The following CFAP54 variants were observed in gnomAD, a reference collection of about 807,000 sequenced individuals.
The protein encoded by CFAP54 is cilia- and flagella-associated protein 54.
In CFAP54, 290 loss-of-function variants were observed where a neutral mutation model predicts 370.4. The ratio of observed to expected loss-of-function variants is 0.78; its 90% CI spans 0.71 to 0.86. CFAP54 has a LOEUF of 0.86. Ranked by LOEUF, CFAP54 falls within the 40% of genes least tolerant of loss-of-function variation. CFAP54 has a pLI of 0.00. For synonymous variants in CFAP54, 1,206 were observed against 1,236.5 expected, an observed-to-expected ratio of 0.98 and a Z score of 0.52; for missense variants, 3,399 against 3,528.7, an observed-to-expected ratio of 0.96 and a Z score of 0.93.
At chr12:96,731,265 T>C (rs1358708721) in intron 50 of CFAP54, among the ~76,000 whole-genome samples, 1 of 152,238 alleles carries the variant, frequency 6.6e-6, no homozygotes, top group Non-Finnish European at 1.5e-5. Context: ...CTTGCACTTA[T>C]AAATCCCTAT....
chr12:96,576,690 C>T lies in CFAP54; in HGVS notation c.2725C>T (p.Pro909Ser), dbSNP rs560558762. 2.0e-6 allele frequency: 3 copies of T among 1,535,908 alleles called. No homozygotes were observed. The South Asian group carries it at 3.6e-5, about 18-fold the overall frequency. The stretch of plus-strand genomic sequence containing the variant: ...AAGAAAGAAAAGCAGAGTCCCCCCT[C>T]CACCTATCCTGCTGTCTCGAACTCA... ...SKRKKSRVPP[P>S]PILLSRTHCS... Residue 909 changes from proline (P) to serine (S), a missense_variant, in exon 20 of 68, where the codon CCA becomes TCA. Coordinates refer to ENST00000524981, the MANE Select transcript of CFAP54 (RefSeq NM_001306084.2).
intron 55 of CFAP54, among the ~76,000 whole-genome samples, chr12:96,747,767 G>A (rs970074062): frequency 6.6e-6 from 1 of 152,090 alleles, no homozygotes; most frequent in Non-Finnish European, 1.5e-5. Flanking sequence ...CAAAATGGAG[G>A]TAGGCTATTT....
chr12:96,707,281 A>C (rs1209613989), intron 47 of CFAP54, among the ~76,000 whole-genome samples: 1 of 151,804 alleles, frequency 6.6e-6, no homozygotes, highest in African/African-American at 2.4e-5. Context: ...TTTCACATTT[A>C]ATGTCTCTAA....
chr12:96,860,580 A>G (rs1435562436), intron 66 of CFAP54, among the ~76,000 whole-genome samples: 1 of 152,212 alleles, frequency 6.6e-6, no homozygotes, highest in Admixed American at 6.5e-5. Flanking sequence ...ACCATGTACA[A>G]TGATTACCTA....
intron 48 of CFAP54, among the ~76,000 whole-genome samples, chr12:96,709,706 T>TATG (rs1283228056): frequency 3.4e-4 from 51 of 148,344 alleles, no homozygotes; most frequent in African/African-American, 1.3e-3. Flanking sequence ...CATGGTTTAT[T>TATG]ATTATTATTA....
chr12:96,655,471 A>G (rs1592691120), intron 36 of CFAP54, among the ~76,000 whole-genome samples: 1 of 152,318 alleles, frequency 6.6e-6, no homozygotes, highest in East Asian at 1.9e-4. Context: ...ATTCTTAATG[A>G]ATGAATTGGA....
intron 39 of CFAP54, among the ~76,000 whole-genome samples, chr12:96,677,398 T>C (rs75269338): frequency 0.058 from 8,829 of 152,268 alleles, 421 homozygotes; most frequent in Non-Finnish European, 0.083. Flanking sequence ...TTGCTTAACT[T>C]CTTTTCCTGA....
intron 45 of CFAP54, among the ~76,000 whole-genome samples, chr12:96,696,617 CTTA>C (rs1196964416): frequency 3.3e-5 from 5 of 151,852 alleles, no homozygotes; most frequent in Admixed American, 2.6e-4. Context: ...TATATAGAAT[CTTA>C]TTATTTTCTA....
At chr12:96,638,759 A>T (rs1956690960) in intron 32 of CFAP54, among the ~76,000 whole-genome samples, 1 of 152,142 alleles carries the variant, frequency 6.6e-6, no homozygotes, top group Non-Finnish European at 1.5e-5. Context: ...TGACTTTCCA[A>T]TCCTTTTCCC....
At chr12:96,695,981 A>G (rs890981692) in intron 45 of CFAP54, among the ~76,000 whole-genome samples, 1 of 152,362 alleles carries the variant, frequency 6.6e-6, no homozygotes, top group East Asian at 1.9e-4. Context: ...GTCATTTCCA[A>G]ATGAGTGTGA....
chr12:96,614,937 A>G (rs1350674846), intron 26 of CFAP54, among the ~76,000 whole-genome samples: 1 of 152,242 alleles, frequency 6.6e-6, no homozygotes, highest in Non-Finnish European at 1.5e-5. Context: ...CATACTGCCC[A>G]AGGTAATTTA....
At position 96,512,299 on chromosome 12, in the gene CFAP54, TTTTATA is replaced by T. The variant is rs1180824597; in HGVS notation, c.740-685_740-680del. On this transcript the variant is annotated intron_variant, in intron 4 of 67. Coordinates refer to ENST00000524981, the MANE Select transcript of CFAP54 (RefSeq NM_001306084.2). ...ATGATAAGGAAACCATGGGAACCAA[TTTTATA>T]TATATATATATATATATATATATAT... is the stretch of plus-strand genomic sequence containing the variant. Among the ~76,000 whole-genome samples the T allele has an allele frequency of 7.5e-4, 90 of 119,544 alleles. 2 individuals carry two copies. Among genetic ancestry groups the T allele is most frequent in the East Asian group, 5.1e-3 (15 of 2,958 alleles). 78.4% of individuals were successfully genotyped at this position (119,544 alleles called of 152,430 possible). A position where few individuals can be genotyped will look rare whatever the true frequency, so the allele number is the denominator to read the frequency against.
At chr12:96,819,722 T>C (rs565059439) in intron 65 of CFAP54, among the ~76,000 whole-genome samples, 20 of 152,350 alleles carry the variant, frequency 1.3e-4, no homozygotes, top group African/African-American at 4.6e-4. Flanking sequence ...TTGTCTTTTA[T>C]TCTTTATATT....
intron 60 of CFAP54, among the ~76,000 whole-genome samples, chr12:96,782,469 A>G (rs187998514): frequency 1.5e-4 from 23 of 152,290 alleles, no homozygotes; most frequent in Non-Finnish European, 2.4e-4. Flanking sequence ...GTAAGATTTT[A>G]TTTCTATACA....
At chr12:96,848,361 G>A (rs760305233) in intron 66 of CFAP54, among the ~76,000 whole-genome samples, 9 of 152,122 alleles carry the variant, frequency 5.9e-5, no homozygotes, top group South Asian at 2.1e-4. Flanking sequence ...GTGAGCCACC[G>A]TGCCCAACCA....
chr12:96,792,962 G>A (rs1313791815), intron 63 of CFAP54, among the ~76,000 whole-genome samples: 1 of 151,728 alleles, frequency 6.6e-6, no homozygotes, highest in Non-Finnish European at 1.5e-5. Flanking sequence ...TATTTTGCTG[G>A]ATTCAGTTTG....
At chr12:96,526,777 CTGG>C (rs1214042818) in intron 8 of CFAP54, among the ~76,000 whole-genome samples, 180 of 151,838 alleles carry the variant, frequency 1.2e-3, no homozygotes, top group African/African-American at 4.2e-3. Context: ...CTAATGAAAT[CTGG>C]AGTGACATCT....
rs1565877220 is a variant in CFAP54 at position 96,503,919 on chromosome 12, A to G, written c.457A>G (p.Arg153Gly). Reference protein sequence around the residue: ...YKLALLQCYGRYLQQFNTNFD... With the variant: ...YKLALLQCYGGYLQQFNTNFD... ...ACTGGCCCTTTTACAATGCTATGGA[A>G]GATATCTTCAGCAGTTCAATACCAA... is the stretch of plus-strand genomic sequence containing the variant. The change falls in exon 3 of 68, where the codon AGA becomes GGA. Residue 153 changes from arginine to glycine, a missense_variant. Arg to Gly is a moderately radical substitution (Grantham distance 125, BLOSUM62 -2). This residue lies in a region of CFAP54 where 559 missense variants were observed against 576.7 expected (regional missense o/e 0.97). Transcript: ENST00000524981. 5 of 1,518,704 alleles carry G rather than the reference A, an allele frequency of 3.3e-6. No homozygotes were observed. The East Asian group carries it at 1.3e-4, about 38-fold the overall frequency. 94.1% of individuals were successfully genotyped at this position (1,518,704 alleles called of 1,614,324 possible). A position where few individuals can be genotyped will look rare whatever the true frequency, so the allele number is the denominator to read the frequency against.
chr12:96,846,072 G>A (rs534857104), intron 66 of CFAP54, among the ~76,000 whole-genome samples: 109 of 152,236 alleles, frequency 7.2e-4, no homozygotes, highest in African/African-American at 2.6e-3. Context: ...CTCAGGCTTC[G>A]TTTCTCACAG....
Sources: allele counts gnomAD v4.1 joint callset (sites outside exome capture counted in the v4.1 genomes callset), GRCh38; gene constraint gnomAD v4.1.1; regional missense constraint gnomAD v4.1.1; transcripts MANE v1.5; gene names NCBI Gene and HGNC (gene_info 2026-07-23, HGNC 2026-07-21).